NCALD: variants seen among roughly 807,000 people sequenced by gnomAD.
NCALD encodes neurocalcin-delta.
A neutral mutation model predicts 18.6 loss-of-function variants in NCALD; 10 were observed. The ratio of observed to expected loss-of-function variants is 0.54; its 90% confidence interval spans 0.33 to 0.91. The LOEUF (loss-of-function observed/expected upper bound fraction) is 0.91, where lower values mean the gene tolerates loss of function less well. NCALD is among the 40% of genes least tolerant of loss of function. The pLI is 0.03. For synonymous variants in NCALD, 88 were observed against 87.4 expected, an observed-to-expected ratio of 1.01 and a Z score of -0.04; for missense variants, 184 against 247.6, an observed-to-expected ratio of 0.74 and a Z score of 1.72.
chr8:101,795,011 C>T (rs940384355), upstream of NCALD, among the ~76,000 whole-genome samples: 1 of 151,902 alleles, frequency 6.6e-6, no homozygotes, highest in Non-Finnish European at 1.5e-5. Flanking sequence ...AGAAAATAAT[C>T]TAGTCAGAAA....
At chr8:101,779,741 A>G (rs1423979898) in intron 1 of NCALD, among the ~76,000 whole-genome samples, 3 of 152,118 alleles carry the variant, frequency 2.0e-5, no homozygotes, top group South Asian at 4.1e-4. Context: ...AACCAAGGGT[A>G]TTTTTGTTTG....
At chr8:101,691,221 C>A in intron 3 of NCALD, 1 of 985,302 alleles carries the variant, frequency 1.0e-6, no homozygotes, top group South Asian at 4.7e-5. Flanking sequence ...AACTTACAGC[C>A]CCTCTTCCTC....
intron 2 of NCALD, among the ~76,000 whole-genome samples, chr8:101,951,123 G>A (rs1819401593): frequency 2.0e-5 from 3 of 152,142 alleles, no homozygotes; most frequent in Non-Finnish European, 4.4e-5. Context: ...TCTTGGTTTT[G>A]GGAATAGGTC....
intron 1 of NCALD, among the ~76,000 whole-genome samples, chr8:101,741,303 T>C (rs1810173645): frequency 6.6e-6 from 1 of 152,242 alleles, no homozygotes; most frequent in Admixed American, 6.5e-5. Flanking sequence ...CTTCTGGCCT[T>C]ATCTATTTAA....
At position 101,801,643 on chromosome 8, in the gene NCALD, C is replaced by CTTTTTTTTTTTT. The variant is rs71268530; in HGVS notation, c.-19-82007_-19-81996dup. Among the ~76,000 whole-genome samples, 14 of 44,176 alleles carry CTTTTTTTTTTTT rather than the reference C, an allele frequency of 3.2e-4. 4 individuals are homozygous for CTTTTTTTTTTTT. The highest frequency in any genetic ancestry group is 1.0e-3 in the Admixed American group (3 of 2,892). 29.0% of individuals were successfully genotyped at this position (44,176 alleles called of 152,430 possible). On this transcript the variant is annotated intron_variant, in intron 4 of 6. Coordinates refer to the NCALD transcript ENST00000311028. ...TCTCTATGATTTACAAGCACACTTA[C>CTTTTTTTTTTTT]TTTTTTTTTTTTTTTTTTTTTTTTT... is the stretch of plus-strand genomic sequence containing the variant.
chr8:101,872,445 CT>C, intron 4 of NCALD: 1 of 1,011,022 alleles, frequency 9.9e-7, no homozygotes, highest in Non-Finnish European at 1.6e-6. Flanking sequence ...TGTGCTGCTC[CT>C]CTTCTGCCTT....
chr8:101,687,630 C>T lies in NCALD; in HGVS notation c.*1679G>A, dbSNP rs993267718. 6.6e-6 allele frequency: 1 copy of T among 152,272 alleles called. No individual in the cohort carries two copies. Among genetic ancestry groups the T allele is most frequent in the African/African-American group, 2.4e-5 (1 of 41,452 alleles). 9.4% of individuals were successfully genotyped at this position (152,272 alleles called of 1,614,324 possible). A position where few individuals can be genotyped will look rare whatever the true frequency, so the allele number is the denominator to read the frequency against. ...TTTTTCTCCTGGTCATGATGTCTCTCTTTCTGTGGTTCCTCTTCTTTGGCA... is the reference window on the plus strand; with the variant it reads ...TTTTTCTCCTGGTCATGATGTCTCTTTTTCTGTGGTTCCTCTTCTTTGGCA... On this transcript the variant is annotated 3_prime_UTR_variant, in exon 4 of 4. Transcript: ENST00000220931.
chr8:101,767,895 G>C (rs1323771684), intron 1 of NCALD, among the ~76,000 whole-genome samples: 1 of 152,242 alleles, frequency 6.6e-6, no homozygotes, highest in Non-Finnish European at 1.5e-5. Context: ...GTTAGAGCAA[G>C]AGTAGGCCTG....
At chr8:101,796,821 C>T (rs978934540) in intron 4 of NCALD, among the ~76,000 whole-genome samples, 1 of 152,094 alleles carries the variant, frequency 6.6e-6, no homozygotes, top group Non-Finnish European at 1.5e-5. Flanking sequence ...CCCCCAAAAT[C>T]ACGAAGCTGA....
chr8:101,924,774 G>A (rs139081585), intron 2 of NCALD, among the ~76,000 whole-genome samples: 4 of 152,228 alleles, frequency 2.6e-5, no homozygotes, highest in African/African-American at 4.8e-5. Context: ...CACAAATGTC[G>A]AAAAAATATT....
intron 2 of NCALD, among the ~76,000 whole-genome samples, chr8:101,712,602 A>AAAAAAAAAAAAAAAAAAAAAG (rs1563683244): frequency 7.7e-6 from 1 of 129,718 alleles, no homozygotes; most frequent in African/African-American, 2.9e-5. Context: ...AAAAAAAAAA[A>AAAAAAAAAAAAAAAAAAAAAG]AAAAAAAAAT....
intron 2 of NCALD, among the ~76,000 whole-genome samples, chr8:102,007,415 C>T (rs1821751761): frequency 1.3e-5 from 2 of 152,088 alleles, no homozygotes; most frequent in Non-Finnish European, 2.9e-5. Context: ...TGCCTGAATC[C>T]GAATTTCATC....
At position 101,796,341 on chromosome 8, in the gene NCALD, C is replaced by T. The variant is rs142911883; in HGVS notation, c.-19-76693G>A. Reference sequence around the variant, plus strand: ...ATGCCAGGAAATAGGTCTAACTGACCACAATCTCTGAGGAAAAAATAGGCA... The same window carrying T: ...ATGCCAGGAAATAGGTCTAACTGACTACAATCTCTGAGGAAAAAATAGGCA... On this transcript the variant is annotated intron_variant, in intron 4 of 6. Transcript: ENST00000311028. Among the ~76,000 whole-genome samples, 979 of 152,176 alleles carry T rather than the reference C, an allele frequency of 6.4e-3. 4 individuals are homozygous for T. The highest frequency in any genetic ancestry group is 0.011 in the Non-Finnish European group (722 of 68,004).
intron 2 of NCALD, among the ~76,000 whole-genome samples, chr8:101,962,917 AAAAC>A (rs887185028): frequency 1.3e-5 from 2 of 152,080 alleles, no homozygotes; most frequent in African/African-American, 4.8e-5. Context: ...GGGCAGGTTA[AAAAC>A]AAACAAAAAA....
intron 1 of NCALD, among the ~76,000 whole-genome samples, chr8:101,747,739 T>C (rs1586387477): frequency 1.3e-5 from 2 of 151,156 alleles, no homozygotes; most frequent in African/African-American, 4.9e-5. Flanking sequence ...TTTTTTGAGA[T>C]GGAGTTTCAC....
intron 4 of NCALD, among the ~76,000 whole-genome samples, chr8:101,875,290 T>C (rs1009590518): frequency 2.6e-5 from 4 of 152,258 alleles, no homozygotes; most frequent in African/African-American, 9.6e-5. Context: ...TCCTGGCTCT[T>C]CATCCTGTTC....
chr8:101,799,675 G>C (rs1417384446), intron 4 of NCALD, among the ~76,000 whole-genome samples: 1 of 152,156 alleles, frequency 6.6e-6, no homozygotes, highest in Non-Finnish European at 1.5e-5. Context: ...AGTCTCAAAA[G>C]TTCACACACT....
At chr8:102,106,445 G>GCA (rs377141199) in intron 1 of NCALD, among the ~76,000 whole-genome samples, 1 of 132,690 alleles carries the variant, frequency 7.5e-6, no homozygotes. Context: ...TTAGCATATA[G>GCA]TATATATATA....
At chr8:101,872,328 G>C (rs1461077582) in intron 4 of NCALD, 4 of 1,468,428 alleles carry the variant, frequency 2.7e-6, no homozygotes, top group Non-Finnish European at 3.8e-6. Flanking sequence ...TCTGCCATCT[G>C]TACATTTCAA....
Sources: allele counts gnomAD v4.1 joint callset (sites outside exome capture counted in the v4.1 genomes callset), GRCh38; gene constraint gnomAD v4.1.1; transcripts MANE v1.5; gene names NCBI Gene and HGNC (gene_info 2026-07-23, HGNC 2026-07-21).